TANGO6: variants seen among roughly 807,000 people sequenced by gnomAD.
The protein encoded by TANGO6 is transport and golgi organization 6 homolog, also known as transport and Golgi organization protein 6 homolog.
TANGO6 carries 90 observed loss-of-function variants against 114.2 expected under a neutral mutation model. The ratio of observed to expected loss-of-function variants is 0.79; its 90% CI spans 0.66 to 0.94. TANGO6 has a LOEUF of 0.94. TANGO6 is among the 40% of genes least tolerant of loss of function. The pLI is 0.00. For missense variants in TANGO6, 1,274 were observed against 1,315.3 expected (o/e 0.97, Z 0.49); for synonymous variants, 477 against 509.8 (o/e 0.94, Z 0.87).
At chr16:68,907,596 CT>C (rs1962870716) in intron 10 of TANGO6, 21 bp downstream of exon 10, 2 of 1,604,702 alleles carry the variant, frequency 1.2e-6, no homozygotes. Context: ...CCTGTAGTTC[CT>C]GGTCAGTGTT....
At chr16:69,039,429 G>A (rs568732564) in intron 16 of TANGO6, among the ~76,000 whole-genome samples, 86 of 151,930 alleles carry the variant, frequency 5.7e-4, no homozygotes, top group African/African-American at 1.8e-3. Flanking sequence ...TAAGCCCAGG[G>A]GTTCAAGACC....
intron 17 of TANGO6, among the ~76,000 whole-genome samples, chr16:69,078,132 T>C (rs1333561931): frequency 6.6e-6 from 1 of 152,144 alleles, no homozygotes; most frequent in Non-Finnish European, 1.5e-5. Context: ...CCTCCCAGGC[T>C]GAGGGACTAG....
At chr16:68,922,939 G>GTTTTTTTTTTT (rs531603542) in intron 12 of TANGO6, among the ~76,000 whole-genome samples, 1 of 79,050 alleles carries the variant, frequency 1.3e-5, no homozygotes, top group African/African-American at 5.3e-5. Context: ...CTTAGGTCAT[G>GTTTTTTTTTTT]TTTTTTTTTT....
intron 5 of TANGO6, among the ~76,000 whole-genome samples, chr16:68,875,769 C>CA (rs5817658): frequency 0.095 from 10,784 of 113,266 alleles, 859 homozygotes; most frequent in African/African-American, 0.24. Context: ...AACTCCGTCT[C>CA]AAAAAAAAAA....
chr16:68,882,812 A>G (rs1962483438), intron 7 of TANGO6, among the ~76,000 whole-genome samples: 1 of 152,120 alleles, frequency 6.6e-6, no homozygotes, highest in African/African-American at 2.4e-5. Flanking sequence ...AGGTCAGTAG[A>G]TCAAGACCAT....
At position 68,924,877 on chromosome 16, in the gene TANGO6, A is replaced by G. The variant is rs772243510; in HGVS notation, c.2128-2691A>G. Among the ~76,000 whole-genome samples, 176 of 151,980 alleles carry G rather than the reference A, an allele frequency of 1.2e-3. 1 individual carries two copies. Among genetic ancestry groups the G allele is most frequent in the Non-Finnish European group, 3.5e-4 (24 of 67,998 alleles). ...GACAACCCCAGGGGCTAGATGTTCA[A>G]TGAGTAAATACCCCCATACAGGTTG... On this transcript the variant is annotated intron_variant, in intron 12 of 17. Coordinates refer to ENST00000261778, the MANE Select transcript of TANGO6 (RefSeq NM_024562.2).
intron 16 of TANGO6, among the ~76,000 whole-genome samples, chr16:69,024,727 A>C (rs1036414452): frequency 6.6e-6 from 1 of 152,216 alleles, no homozygotes; most frequent in South Asian, 2.1e-4. Flanking sequence ...TTTACTACCA[A>C]TGTACATGAC....
chr16:69,070,963 G>A (rs764070259), intron 17 of TANGO6, among the ~76,000 whole-genome samples: 80 of 151,916 alleles, frequency 5.3e-4, no homozygotes, highest in Non-Finnish European at 9.3e-4. Flanking sequence ...TAGTAGAGAC[G>A]GGGTTTCACC....
chr16:69,011,370 C>T (rs1964141946), intron 15 of TANGO6, among the ~76,000 whole-genome samples: 1 of 151,332 alleles, frequency 6.6e-6, no homozygotes, highest in Non-Finnish European at 1.5e-5. Context: ...CTCAGTTTCA[C>T]TTTTATGACC....
chr16:68,928,890 A>T (rs937001477), intron 13 of TANGO6, among the ~76,000 whole-genome samples: 2 of 151,930 alleles, frequency 1.3e-5, no homozygotes, highest in Admixed American at 6.6e-5. Flanking sequence ...CTCTCCCTTC[A>T]TCGTGGTGAA....
At chr16:68,896,690 C>G (rs1221237008) in intron 7 of TANGO6, among the ~76,000 whole-genome samples, 5 of 152,120 alleles carry the variant, frequency 3.3e-5, no homozygotes, top group African/African-American at 1.2e-4. Context: ...AAGAAATTTA[C>G]TATTAGTGTT....
intron 10 of TANGO6, among the ~76,000 whole-genome samples, chr16:68,908,817 AC>A (rs1158830299): frequency 6.6e-6 from 1 of 152,204 alleles, no homozygotes; most frequent in East Asian, 1.9e-4. Context: ...TCATAAAAAT[AC>A]CCACAAAGCA....
chr16:68,919,692 G>C (rs1253807028), intron 12 of TANGO6, among the ~76,000 whole-genome samples: 2 of 152,164 alleles, frequency 1.3e-5, no homozygotes, highest in African/African-American at 4.8e-5. Flanking sequence ...CCACTTTTAA[G>C]TATGTATGTC....
At chr16:68,985,126 G>T (rs1963878191) in intron 15 of TANGO6, among the ~76,000 whole-genome samples, 2 of 151,956 alleles carry the variant, frequency 1.3e-5, no homozygotes, top group South Asian at 4.2e-4. Flanking sequence ...TCCTGCCTCG[G>T]CCTCCCAAAG....
chr16:68,860,632 G>GATATGCCAT lies in TANGO6; in HGVS notation c.735+116_735+117insTATATGCCA. On this transcript the variant is annotated intron_variant, in intron 2 of 17. Transcript: ENST00000261778. ...GGCAACTCTTAGTTCTTCAGAACTGGATATGCCAAAGCATATCCAATGGAT... is the reference window on the plus strand; with the variant it reads ...GGCAACTCTTAGTTCTTCAGAACTGGATATGCCATATATGCCAAAGCATATCCAATGGAT... The GATATGCCAT allele has an allele frequency of 2.2e-6, 3 of 1,360,626 alleles. No individual in the cohort carries two copies. The South Asian group carries it at 4.4e-5, about 20-fold the overall frequency. The allele number at this position is 1,360,626 out of a possible 1,614,324, so 84.3% of individuals were successfully genotyped here. A position where few individuals can be genotyped will look rare whatever the true frequency, so the allele number is the denominator to read the frequency against.
chr16:69,041,746 A>G (rs1959777822), intron 17 of TANGO6, among the ~76,000 whole-genome samples: 1 of 152,180 alleles, frequency 6.6e-6, no homozygotes, highest in Non-Finnish European at 1.5e-5. Flanking sequence ...GAATGAACTT[A>G]TCTGCTATGA....
chr16:68,847,836 C>T (rs776502188), intron 1 of TANGO6, among the ~76,000 whole-genome samples: 9 of 151,964 alleles, frequency 5.9e-5, no homozygotes, highest in Non-Finnish European at 1.0e-4. Context: ...CCCGTCTCTA[C>T]TAAAAATACA....
chr16:68,917,770 C>T (rs983124931), intron 11 of TANGO6, among the ~76,000 whole-genome samples: 5 of 151,984 alleles, frequency 3.3e-5, no homozygotes, highest in Admixed American at 3.3e-4. Context: ...CTTTTCTTTT[C>T]AAGATAGGAT....
chr16:69,067,347 A>C (rs1167538918), intron 17 of TANGO6, among the ~76,000 whole-genome samples: 1 of 150,366 alleles, frequency 6.7e-6, no homozygotes, highest in African/African-American at 2.5e-5. Context: ...CATCTCTACT[A>C]AAAATACAAA....
Sources: gnomAD v4.1 joint callset for allele counts (sites outside exome capture counted in the v4.1 genomes callset) on GRCh38, gnomAD v4.1.1 for gene constraint, MANE v1.5 for transcripts, NCBI Gene and HGNC (gene_info 2026-07-23, HGNC 2026-07-21) for gene names.